Variants in CRB1 observed in about 807,000 individuals in gnomAD.
The protein encoded by CRB1 is crumbs cell polarity complex component 1.
CRB1 carries 83 observed loss-of-function variants against 120.0 expected under a neutral mutation model. The ratio of observed to expected loss-of-function variants is 0.69; its 90% CI spans 0.58 to 0.83. The LOEUF (loss-of-function observed/expected upper bound fraction) is 0.83. Ranked by LOEUF, CRB1 falls within the 40% of genes least tolerant of loss-of-function variation. CRB1 has a pLI of 0.00. For missense variants in CRB1, 1,699 were observed against 1,687.6 expected (o/e 1.01, Z -0.12); for synonymous variants, 625 against 612.5 (o/e 1.02, Z -0.30).
the CRB1 span, among the ~76,000 whole-genome samples, chr1:197,230,572 G>A: frequency 6.6e-6 from 1 of 152,086 alleles, no homozygotes; most frequent in Non-Finnish European, 1.5e-5. Flanking sequence ...TATCTGATAA[G>A]TTATTGATTG....
At chr1:197,404,508 G>A (rs1439549698) in intron 5 of CRB1, among the ~76,000 whole-genome samples, 1 of 145,748 alleles carries the variant, frequency 6.9e-6, no homozygotes, top group African/African-American at 2.6e-5. Context: ...CACCATTTCT[G>A]TTGCTACTTT....
chr1:197,461,731 G>C (rs1666541141), intron 11 of CRB1, among the ~76,000 whole-genome samples: 2 of 152,112 alleles, frequency 1.3e-5, no homozygotes, highest in South Asian at 4.1e-4. Context: ...CTCGACACAT[G>C]AATCTGTAGA....
Position 197,356,993 on chromosome 1 carries a change from T to G in CRB1, c.1151T>G (p.Ile384Ser). Residue 384 changes from isoleucine (I) to serine (S), a missense_variant, in exon 5 of 12, where the codon ATC (isoleucine) becomes AGC (serine). Physicochemically the swap from Ile to Ser is moderately radical, Grantham distance 142. Coordinates refer to ENST00000367400, the MANE Select transcript of CRB1 (RefSeq NM_201253.3). Reference protein sequence around the residue: ...SYHEASGYVCICQPGFTGIHC... With the variant: ...SYHEASGYVCSCQPGFTGIHC... ...CATGAAGCCTCAGGTTATGTCTGTA[T>G]CTGTCAGCCTGGATTCACAGGTGAG... The G allele has an allele frequency of 6.2e-7, 1 of 1,614,224 alleles. No homozygotes were observed. The highest frequency in any genetic ancestry group is 8.5e-7 in the Non-Finnish European group (1 of 1,180,032).
intron 5 of CRB1, among the ~76,000 whole-genome samples, chr1:197,361,476 A>T (rs568385606): frequency 2.5e-4 from 38 of 151,882 alleles, no homozygotes; most frequent in African/African-American, 8.2e-4. Context: ...ATTTCAAGGG[A>T]TTGGTCCTTT....
In CRB1 at chr1:197,369,891, T is replaced by C. The variant is rs530926160; in HGVS notation, c.1171+12878T>C. On this transcript the variant is annotated intron_variant, in intron 5 of 11. Coordinates refer to ENST00000367400, the MANE Select transcript of CRB1 (RefSeq NM_201253.3). ...CATGCTATATTCTCAGGGTACCATT[T>C]CTTCTGCAATCTTCTTGAATGGTGG... Among the ~76,000 whole-genome samples the C allele has an allele frequency of 2.0e-5, 3 of 152,286 alleles. No homozygotes were observed. In the South Asian group the frequency reaches 6.2e-4, roughly 32 times the overall value.
At position 197,349,366 on chromosome 1, in the gene CRB1, T is replaced by G. The variant is rs188753111; in HGVS notation, c.988+1887T>G. On this transcript the variant is annotated intron_variant, in intron 4 of 11. Transcript: ENST00000367400. Reference sequence around the variant, plus strand: ...CAAATGTTTGTCTTTAAGTGATGCATGACTCTTTTTTAAAATCTAATTCTC... The same window carrying G: ...CAAATGTTTGTCTTTAAGTGATGCAGGACTCTTTTTTAAAATCTAATTCTC... Among the ~76,000 whole-genome samples, 935 of 152,338 alleles carry G rather than the reference T, an allele frequency of 6.1e-3. 8 individuals are homozygous for G. The highest frequency in any genetic ancestry group is 0.021 in the African/African-American group (864 of 41,570).
chr1:197,361,209 T>C (rs930982311), intron 5 of CRB1, among the ~76,000 whole-genome samples: 4 of 152,014 alleles, frequency 2.6e-5, no homozygotes, highest in Non-Finnish European at 5.9e-5. Context: ...TCTTTTTTTT[T>C]TTGTACTGTC....
At chr1:197,316,356 T>C (rs1330316405) in intron 1 of CRB1, among the ~76,000 whole-genome samples, 4 of 151,526 alleles carry the variant, frequency 2.6e-5, no homozygotes, top group Non-Finnish European at 5.9e-5. Context: ...GGCTGATTTT[T>C]TGTATTTTTA....
In CRB1 at chr1:197,421,468, A is replaced by C. The variant is rs1167933684; in HGVS notation, c.1640A>C (p.Gln547Pro). Residue 547 changes from glutamine to proline, a missense_variant, in exon 6 of 12, where the codon CAG becomes CCG. By Grantham distance (76) the Gln-to-Pro change is moderately conservative. Transcript: ENST00000367400. ...LLSGYIHLSI[Q>P]VNNQSKVLLF... ...AGTGGCTACATTCACTTATCAATTC[A>C]GGTCAATAATCAGTCAAAGGTGCTT... 2 of 1,614,250 alleles carry C rather than the reference A, an allele frequency of 1.2e-6. No individual in the cohort carries two copies. Among genetic ancestry groups the C allele is most frequent in the Non-Finnish European group, 1.7e-6 (2 of 1,180,036 alleles).
At chr1:197,276,328 C>A (rs964058770) in intron 1 of CRB1, among the ~76,000 whole-genome samples, 9 of 151,472 alleles carry the variant, frequency 5.9e-5, no homozygotes, top group African/African-American at 1.9e-4. Context: ...TTGTCCCTAG[C>A]CTTAAGATAG....
chr1:197,386,744 T>C (rs768317860), intron 5 of CRB1, among the ~76,000 whole-genome samples: 1 of 152,160 alleles, frequency 6.6e-6, no homozygotes, highest in Non-Finnish European at 1.5e-5. Context: ...GGAAAATAAG[T>C]CATCTCTATT....
chr1:197,438,426 C>A, intron 9 of CRB1, 121 bp from the exon 10 acceptor site: 1 of 1,199,138 alleles, frequency 8.3e-7, no homozygotes, highest in Non-Finnish European at 1.2e-6. Flanking sequence ...GCATTTGTAG[C>A]TCCTCCAGCC....
chr1:197,370,523 A>C (rs1304315631), intron 5 of CRB1, among the ~76,000 whole-genome samples: 1 of 152,166 alleles, frequency 6.6e-6, no homozygotes, highest in Non-Finnish European at 1.5e-5. Flanking sequence ...TCCAAAAGGA[A>C]CTCTCAAAAC....
intron 5 of CRB1, among the ~76,000 whole-genome samples, chr1:197,402,118 GT>G (rs1397497905): frequency 1.3e-5 from 2 of 152,126 alleles, no homozygotes; most frequent in Non-Finnish European, 2.9e-5. Context: ...TGTCACAGGA[GT>G]TTGTCGCACA....
At chr1:197,243,980 G>T in the CRB1 span, among the ~76,000 whole-genome samples, 4 of 152,056 alleles carry the variant, frequency 2.6e-5, no homozygotes, top group Non-Finnish European at 5.9e-5. Flanking sequence ...TTTTATCAGA[G>T]ACTAGGATTG....
At chr1:197,367,452 A>C (rs1417065549) in intron 5 of CRB1, among the ~76,000 whole-genome samples, 1 of 152,234 alleles carries the variant, frequency 6.6e-6, no homozygotes, top group Non-Finnish European at 1.5e-5. Context: ...GAACCCAAAC[A>C]GCTTGATAAA....
chr1:197,453,030 T>C (rs1469066055), intron 11 of CRB1, among the ~76,000 whole-genome samples: 1 of 151,988 alleles, frequency 6.6e-6, no homozygotes, highest in African/African-American at 2.4e-5. Flanking sequence ...AAATGGAATA[T>C]TATTCAGCCT....
chr1:197,217,247 A>C, the CRB1 span, among the ~76,000 whole-genome samples: 2 of 152,158 alleles, frequency 1.3e-5, no homozygotes, highest in Non-Finnish European at 2.9e-5. Flanking sequence ...AGAATATACA[A>C]TGATGCACCT....
At chr1:197,449,042 G>A (rs1571586422) in intron 11 of CRB1, among the ~76,000 whole-genome samples, 1 of 152,316 alleles carries the variant, frequency 6.6e-6, no homozygotes, top group East Asian at 1.9e-4. Flanking sequence ...GTGAGAAACT[G>A]CAGGCTATTT....
Sources: allele counts gnomAD v4.1 joint callset (sites outside exome capture counted in the v4.1 genomes callset), GRCh38; gene constraint gnomAD v4.1.1; transcripts MANE v1.5; gene names NCBI Gene and HGNC (gene_info 2026-07-23, HGNC 2026-07-21).